Variants in ABCA4 observed in about 807,000 individuals in gnomAD.
ABCA4 encodes the protein retinal-specific phospholipid-transporting ATPase ABCA4.
In ABCA4, 196 loss-of-function variants were observed where a neutral mutation model predicts 263.7. The observed-to-expected ratio is 0.74, with a 90% CI of 0.66 to 0.84. The LOEUF (loss-of-function observed/expected upper bound fraction) is 0.84. ABCA4 is among the 40% of genes least tolerant of loss of function. The pLI, the probability that ABCA4 is intolerant of heterozygous loss-of-function variation, is 0.00. For missense variants in ABCA4, 2,792 were observed against 2,855.1 expected (o/e 0.98, Z 0.50); for synonymous variants, 1,133 against 1,094.2 (o/e 1.04, Z -0.70).
chr1:94,018,371 T>G lies in ABCA4; in HGVS notation c.5196+1211A>C, dbSNP rs567697840. On this transcript the variant is annotated intron_variant, in intron 36 of 49. Coordinates refer to ENST00000370225, the MANE Select transcript of ABCA4 (RefSeq NM_000350.3). ...AGCATCACAGGGCCAATGTGGTACCTGCAGTTGATGCTCTTATCCAAAGAA... is the reference window on the plus strand; with the variant it reads ...AGCATCACAGGGCCAATGTGGTACCGGCAGTTGATGCTCTTATCCAAAGAA... 4.6e-5 allele frequency among the ~76,000 whole-genome samples: 7 copies of G among 152,390 alleles called. No individual in the cohort carries two copies. The East Asian group carries it at 7.7e-4, about 17-fold the overall frequency.
At chr1:94,005,716 C>G (rs1659360437) in intron 43 of ABCA4, 134 bp from the exon 44 acceptor site, 6 of 815,500 alleles carry the variant, frequency 7.4e-6, no homozygotes, top group Non-Finnish European at 1.2e-5. Context: ...TTCAGAAATG[C>G]ATGGGATATT....
intron 14 of ABCA4, among the ~76,000 whole-genome samples, chr1:94,057,048 C>T (rs554332224): frequency 6.6e-6 from 1 of 152,320 alleles, no homozygotes; most frequent in Non-Finnish European, 1.5e-5. Flanking sequence ...ATTGGGAGAC[C>T]ATTAGGTTGA....
rs748178967 is a variant in ABCA4 at position 94,115,896 on chromosome 1, G to A, written c.67-2830C>T. ...CCAGTTGCCAACTTGGAACCATGGT[G>A]CTTGCTAAGAAACCAGCCACACACC... On this transcript the variant is annotated intron_variant, in intron 1 of 49. Coordinates refer to ENST00000370225, the MANE Select transcript of ABCA4 (RefSeq NM_000350.3). 1.8e-4 allele frequency among the ~76,000 whole-genome samples: 27 copies of A among 152,240 alleles called. No homozygotes were observed. The highest frequency in any genetic ancestry group is 3.4e-4 in the Non-Finnish European group (23 of 68,012).
chr1:94,036,183 G>A (rs1022601933), intron 26 of ABCA4, among the ~76,000 whole-genome samples: 2 of 151,806 alleles, frequency 1.3e-5, no homozygotes. Flanking sequence ...ACAGCATGAG[G>A]AGCTGAGGGA....
chr1:94,070,271 C>G (rs1047441753), intron 11 of ABCA4, among the ~76,000 whole-genome samples: 1 of 152,162 alleles, frequency 6.6e-6, no homozygotes, highest in Non-Finnish European at 1.5e-5. Flanking sequence ...GCAAAGTTGC[C>G]TCCAATCACA....
chr1:94,055,558 G>A (rs1660953632), intron 15 of ABCA4, among the ~76,000 whole-genome samples: 1 of 152,104 alleles, frequency 6.6e-6, no homozygotes, highest in African/African-American at 2.4e-5. Context: ...ACAATTCTCA[G>A]CCCAGCCCTA....
chr1:94,061,904 G>A (rs945769515), intron 13 of ABCA4, among the ~76,000 whole-genome samples: 3 of 150,730 alleles, frequency 2.0e-5, no homozygotes, highest in African/African-American at 4.9e-5. Context: ...CTGCTGTTTT[G>A]GTAGTGTGTC....
chr1:94,092,810 G>C (rs966190175), intron 6 of ABCA4, among the ~76,000 whole-genome samples: 3 of 83,410 alleles, frequency 3.6e-5, no homozygotes, highest in Non-Finnish European at 9.4e-5. Context: ...TCCTAGTCTG[G>C]GGGGGTCTGA....
At chr1:94,057,618 A>G (rs1661016982) in intron 14 of ABCA4, among the ~76,000 whole-genome samples, 1 of 152,230 alleles carries the variant, frequency 6.6e-6, no homozygotes, top group African/African-American at 2.4e-5. Context: ...AAGTGGATTG[A>G]TCCTCCCCAT....
intron 18 of ABCA4, 40 bp downstream of exon 18, chr1:94,048,828 T>A: frequency 6.2e-7 from 1 of 1,602,752 alleles, no homozygotes. Flanking sequence ...CTTAGAGCCT[T>A]TTCCTCGCCT....
Position 94,047,100 on chromosome 1 carries a change from G to C in ABCA4, c.2744-7C>G, listed in dbSNP as rs780292410. The stretch of plus-strand genomic sequence containing the variant: ...TCACGTTCAAAGAAGGAGTCTTGGA[G>C]GAAAAAAAATGAACATGATGTAAAC... On this transcript the variant is annotated splice_region_variant and splice_polypyrimidine_tract_variant and intron_variant, in intron 18 of 49. Coordinates refer to ENST00000370225, the MANE Select transcript of ABCA4 (RefSeq NM_000350.3). 6 of 1,613,890 alleles carry C rather than the reference G, an allele frequency of 3.7e-6. No homozygotes were observed. The highest frequency in any genetic ancestry group is 5.1e-6 in the Non-Finnish European group (6 of 1,179,980).
chr1:94,054,979 C>T, intron 16 of ABCA4, 132 bp downstream of exon 16: 5 of 985,450 alleles, frequency 5.1e-6, no homozygotes, highest in South Asian at 4.2e-5. Context: ...GGATTTTTAA[C>T]TTCTAGATTT....
chr1:93,998,905 ATTTTT>A (rs11370620), intron 47 of ABCA4, among the ~76,000 whole-genome samples: 1 of 135,822 alleles, frequency 7.4e-6, no homozygotes, highest in African/African-American at 2.7e-5. Flanking sequence ...CACTCGGCTA[ATTTTT>A]TTTTTTTTTT....
intron 1 of ABCA4, among the ~76,000 whole-genome samples, chr1:94,115,844 C>G (rs1449127920): frequency 1.3e-5 from 2 of 152,206 alleles, no homozygotes; most frequent in Non-Finnish European, 2.9e-5. Flanking sequence ...TTACGTTCAT[C>G]TCCCTCCTTT....
At chr1:94,056,868 A>C in intron 14 of ABCA4, 46 bp from the exon 15 acceptor site, 1 of 1,485,994 alleles carries the variant, frequency 6.7e-7, no homozygotes, top group South Asian at 1.2e-5. Flanking sequence ...CCTTGGCCGG[A>C]CGCCTTCTCA....
rs768592753 is a variant in ABCA4 at position 94,001,973 on chromosome 1, T to C, written c.6167A>G (p.Lys2056Arg). 5.0e-6 allele frequency: 8 copies of C among 1,614,094 alleles called. No individual in the cohort carries two copies. The African/African-American group carries it at 1.1e-4, about 22-fold the overall frequency. The change falls in exon 45 of 50, where the codon AAG becomes AGG. Residue 2056 changes from lysine to arginine, a missense_variant. Coordinates refer to ENST00000370225, the MANE Select transcript of ABCA4 (RefSeq NM_000350.3). ...EIEKVANWSI[K>R]SLGLTVYADC... ...GGCGTAGACAGTCAGGCCCAGGCTC[T>C]TAATACTCCAGTTTGCAACCTAGGG... is the stretch of plus-strand genomic sequence containing the variant.
intron 18 of ABCA4, 63 bp downstream of exon 18, chr1:94,048,805 G>T: frequency 6.7e-7 from 1 of 1,501,396 alleles, no homozygotes. Context: ...TTTTGCTCTG[G>T]CCCTCTGCAG....
At chr1:94,067,814 C>CA (rs1291232788) in intron 11 of ABCA4, among the ~76,000 whole-genome samples, 8 of 152,200 alleles carry the variant, frequency 5.3e-5, no homozygotes, top group African/African-American at 1.4e-4. Context: ...ATTTCATTCT[C>CA]ACAACAACCT....
chr1:94,073,948 G>A (rs945138249), intron 11 of ABCA4, among the ~76,000 whole-genome samples: 5 of 152,310 alleles, frequency 3.3e-5, no homozygotes, highest in South Asian at 2.1e-4. Flanking sequence ...TATAACAGCA[G>A]TGGGTGGATG....
Sources: allele counts gnomAD v4.1 joint callset (sites outside exome capture counted in the v4.1 genomes callset), GRCh38; gene constraint gnomAD v4.1.1; transcripts MANE v1.5; gene names NCBI Gene and HGNC (gene_info 2026-07-23, HGNC 2026-07-21).